HSD17B12: variants seen among roughly 807,000 people sequenced by gnomAD.
HSD17B12 encodes the protein very-long-chain 3-oxoacyl-CoA reductase.
HSD17B12 carries 32 observed loss-of-function variants against 39.3 expected under a neutral mutation model. That is an observed-to-expected ratio of 0.81 (90% CI 0.61 to 1.09). The LOEUF is 1.09. HSD17B12 is among the 50% of genes least tolerant of loss of function. The pLI, the probability that HSD17B12 is intolerant of heterozygous loss-of-function variation, is 0.00. For missense variants in HSD17B12, 342 were observed against 382.9 expected, an observed-to-expected ratio of 0.89 and a Z score of 0.89; for synonymous variants, 150 against 146.7, an observed-to-expected ratio of 1.02 and a Z score of -0.16.
At chr11:43,582,616 G>A in the HSD17B12 span, among the ~76,000 whole-genome samples, 2 of 152,152 alleles carry the variant, frequency 1.3e-5, no homozygotes, top group African/African-American at 2.4e-5. Context: ...ACGTTTTCGG[G>A]GAGGGCCTGA....
chr11:43,567,619 G>T, the HSD17B12 span, among the ~76,000 whole-genome samples: 2 of 152,150 alleles, frequency 1.3e-5, no homozygotes, highest in African/African-American at 4.8e-5. Context: ...CAGTTATTCC[G>T]CCCTGCCTTG....
intron 1 of HSD17B12, among the ~76,000 whole-genome samples, chr11:43,686,190 ACCTGTT>A (rs1431037091): frequency 4.0e-4 from 61 of 152,304 alleles, no homozygotes; most frequent in Admixed American, 1.0e-3. Flanking sequence ...GGGTATAGAT[ACCTGTT>A]CTTACTGGCG....
chr11:43,677,433 T>C (rs765065105), upstream of HSD17B12, among the ~76,000 whole-genome samples: 6 of 152,216 alleles, frequency 3.9e-5, no homozygotes, highest in Non-Finnish European at 7.3e-5. Flanking sequence ...AAGCACTTTA[T>C]TGTTTTACAC....
At chr11:43,798,615 A>G (rs2135045626) in intron 4 of HSD17B12, among the ~76,000 whole-genome samples, 188 bp downstream of exon 4, 1 of 152,224 alleles carries the variant, frequency 6.6e-6, no homozygotes. Context: ...TTCTATATTA[A>G]CAACATACAA....
chr11:43,808,745 G>A (rs1951042077), intron 4 of HSD17B12, among the ~76,000 whole-genome samples: 1 of 152,168 alleles, frequency 6.6e-6, no homozygotes, highest in African/African-American at 2.4e-5. Context: ...TTCAATTTCT[G>A]ATTAAAGCAC....
At chr11:43,741,951 G>A (rs1950369205) in intron 1 of HSD17B12, among the ~76,000 whole-genome samples, 2 of 149,464 alleles carry the variant, frequency 1.3e-5, no homozygotes, top group Admixed American at 6.6e-5. Context: ...AGCCAGGATG[G>A]TCTTGATCTC....
At chr11:43,592,366 A>G in the HSD17B12 span, among the ~76,000 whole-genome samples, 3 of 152,162 alleles carry the variant, frequency 2.0e-5, no homozygotes, top group African/African-American at 7.2e-5. Context: ...CTTGAGAATT[A>G]ATAAAGTTTA....
intron 9 of HSD17B12, among the ~76,000 whole-genome samples, chr11:43,847,336 GA>G (rs1324095993): frequency 6.6e-6 from 1 of 152,200 alleles, no homozygotes; most frequent in African/African-American, 2.4e-5. Context: ...CCCTGAAAAT[GA>G]AGTGGACTTT....
chr11:43,558,165 AAG>A, the HSD17B12 span, among the ~76,000 whole-genome samples: 1 of 152,252 alleles, frequency 6.6e-6, no homozygotes, highest in South Asian at 2.1e-4. Context: ...GTGTGTAGCA[AAG>A]AGAGTCATTC....
intron 3 of HSD17B12, among the ~76,000 whole-genome samples, chr11:43,794,680 T>G (rs1197275087): frequency 6.6e-6 from 1 of 152,324 alleles, no homozygotes; most frequent in East Asian, 1.9e-4. Context: ...ACAAGGCAAC[T>G]CTGCAGCTGA....
chr11:43,779,139 G>T (rs6485460), intron 3 of HSD17B12, among the ~76,000 whole-genome samples: 33,536 of 152,074 alleles, frequency 0.22, 3,921 homozygotes, highest in Middle Eastern at 0.37. Flanking sequence ...TCATGAGATA[G>T]AATTTATCTT....
intron 3 of HSD17B12, among the ~76,000 whole-genome samples, chr11:43,761,125 A>G (rs1000842644): frequency 2.0e-5 from 3 of 152,228 alleles, no homozygotes; most frequent in African/African-American, 7.2e-5. Context: ...TTGTTTCCAC[A>G]TAAGAGAATC....
At chr11:43,637,591 G>A in the HSD17B12 span, among the ~76,000 whole-genome samples, 440 of 152,232 alleles carry the variant, frequency 2.9e-3, 1 homozygote, top group Admixed American at 5.0e-3. Flanking sequence ...TCAGAAACAG[G>A]TGCTAGTGAT....
At chr11:43,618,600 A>G in the HSD17B12 span, among the ~76,000 whole-genome samples, 1 of 152,314 alleles carries the variant, frequency 6.6e-6, no homozygotes, top group Non-Finnish European at 1.5e-5. Context: ...AAAATGTCCT[A>G]CTGAAGGGTT....
the HSD17B12 span, among the ~76,000 whole-genome samples, chr11:43,597,635 G>A: frequency 2.0e-5 from 3 of 151,984 alleles, no homozygotes; most frequent in African/African-American, 7.3e-5. Flanking sequence ...CGTTTGTTTG[G>A]TTTGTTTTGT....
intron 1 of HSD17B12, among the ~76,000 whole-genome samples, chr11:43,725,347 C>T (rs915870583): frequency 1.3e-5 from 2 of 152,176 alleles, no homozygotes; most frequent in African/African-American, 4.8e-5. Flanking sequence ...AAATACTGAA[C>T]ATCATGCCTA....
chr11:43,690,381 TATATATATATATATA>T (rs1949845468), intron 1 of HSD17B12, among the ~76,000 whole-genome samples: 20 of 13,824 alleles, frequency 1.4e-3, no homozygotes, highest in East Asian at 2.7e-3. Context: ...TATATATATA[TATATATATATATATA>T]TATATATATT....
the HSD17B12 span, among the ~76,000 whole-genome samples, chr11:43,670,633 G>A: frequency 6.6e-6 from 1 of 152,302 alleles, no homozygotes; most frequent in African/African-American, 2.4e-5. Flanking sequence ...GTTCATGCCT[G>A]TAATCCCAGC....
chr11:43,734,009 A>G (rs1440313150), intron 1 of HSD17B12: 4 of 732,380 alleles, frequency 5.5e-6, no homozygotes, highest in Non-Finnish European at 7.5e-6. Flanking sequence ...GCAAAGATTT[A>G]TAGATTGTCA....
Sources: allele counts gnomAD v4.1 joint callset (sites outside exome capture counted in the v4.1 genomes callset), GRCh38; gene constraint gnomAD v4.1.1; transcripts MANE v1.5; gene names NCBI Gene and HGNC (gene_info 2026-07-23, HGNC 2026-07-21).